FRMD4A: variants seen among roughly 807,000 people sequenced by gnomAD.
FRMD4A encodes the protein FERM domain-containing protein 4A.
A neutral mutation model predicts 129.1 loss-of-function variants in FRMD4A; 29 were observed. The ratio of observed to expected loss-of-function variants is 0.22; its 90% confidence interval spans 0.17 to 0.31. FRMD4A has a LOEUF of 0.31. Among genes scored for constraint, FRMD4A ranks in the 10% least tolerant of loss-of-function variants. FRMD4A has a pLI of 1.00. For missense variants in FRMD4A, 1,272 were observed against 1,375.8 expected, an observed-to-expected ratio of 0.92 and a Z score of 1.19; for synonymous variants, 634 against 571.6, an observed-to-expected ratio of 1.11 and a Z score of -1.56.
chr10:13,793,318 T>C (rs912528834), intron 5 of FRMD4A, among the ~76,000 whole-genome samples: 1 of 152,048 alleles, frequency 6.6e-6, no homozygotes, highest in African/African-American at 2.4e-5. Flanking sequence ...ATTACAGGCA[T>C]GCACCATCAT....
At chr10:14,054,799 T>C (rs1834431039) in intron 2 of FRMD4A, among the ~76,000 whole-genome samples, 1 of 152,188 alleles carries the variant, frequency 6.6e-6, no homozygotes, top group South Asian at 2.1e-4. Context: ...GGCAGGGTTT[T>C]CCCCTGCTGT....
chr10:14,092,196 C>T (rs35046770), intron 2 of FRMD4A, among the ~76,000 whole-genome samples: 68,871 of 151,614 alleles, frequency 0.45, 15,934 homozygotes, highest in East Asian at 0.69. Context: ...CATACTGAAC[C>T]GGCTACTAGG....
At position 14,263,377 on chromosome 10, in the gene FRMD4A, G is replaced by A. The variant is rs373232246; in HGVS notation, c.45+66681C>T. Among the ~76,000 whole-genome samples the A allele has an allele frequency of 2.0e-5, 3 of 152,310 alleles. No individual in the cohort carries two copies. In the South Asian group the frequency reaches 6.2e-4, roughly 32 times the overall value. On this transcript the variant is annotated intron_variant, in intron 2 of 24. Coordinates refer to ENST00000357447, the MANE Select transcript of FRMD4A (RefSeq NM_018027.5). ...AAATCACTTGCAAGGCTGCCGGCCA[G>A]ACATGCTGCTAAGAATCACCCCAAA...
intron 2 of FRMD4A, among the ~76,000 whole-genome samples, chr10:14,015,654 C>T (rs1454354365): frequency 1.3e-5 from 2 of 152,170 alleles, no homozygotes; most frequent in Non-Finnish European, 2.9e-5. Flanking sequence ...CTGTACCAAG[C>T]TCCATGATAC....
intron 2 of FRMD4A, chr10:14,008,118 G>A: frequency 7.7e-7 from 1 of 1,302,046 alleles, no homozygotes; most frequent in Non-Finnish European, 1.0e-6. Flanking sequence ...AAGTCTTTGG[G>A]ATCTATTCGG....
chr10:14,110,704 G>A (rs1449782904), intron 2 of FRMD4A, among the ~76,000 whole-genome samples: 1 of 152,178 alleles, frequency 6.6e-6, no homozygotes, highest in Non-Finnish European at 1.5e-5. Context: ...CCACTGCAGA[G>A]GCATTTTTCT....
intron 4 of FRMD4A, among the ~76,000 whole-genome samples, chr10:13,807,408 T>G (rs1207963586): frequency 6.6e-6 from 1 of 152,244 alleles, no homozygotes; most frequent in East Asian, 1.9e-4. Flanking sequence ...TCACGTCGTT[T>G]GCAAGATGTT....
Position 13,693,959 on chromosome 10 carries a change from C to G in FRMD4A, c.1056G>C (p.Leu352=). The change falls in exon 15 of 25, where the codon CTG becomes CTC. Residue 352 remains leucine (L), a synonymous_variant. Transcript: ENST00000357447. ...TETGTLKTSK[L]ANMGSKGKII... ...TCTTCCCCTTGCTACCCATGTTGGC[C>G]AGCTTCGAGGTCTTCAGCGTCCCCG... 2.5e-6 allele frequency: 4 copies of G among 1,594,272 alleles called. No homozygotes were observed. The highest frequency in any genetic ancestry group is 3.4e-6 in the Non-Finnish European group (4 of 1,172,502).
intron 8 of FRMD4A, among the ~76,000 whole-genome samples, chr10:13,756,566 C>T (rs999033073): frequency 2.6e-5 from 4 of 152,226 alleles, no homozygotes; most frequent in East Asian, 1.9e-4. Context: ...GGTTTTGTCA[C>T]GTTGCCCTGG....
chr10:14,103,249 T>A (rs1160888132), intron 2 of FRMD4A, among the ~76,000 whole-genome samples: 1 of 152,222 alleles, frequency 6.6e-6, no homozygotes, highest in East Asian at 1.9e-4. Context: ...AATATGCCCA[T>A]CTAATCTAAA....
chr10:13,741,241 G>C (rs1310392977), intron 9 of FRMD4A, among the ~76,000 whole-genome samples: 2 of 151,998 alleles, frequency 1.3e-5, no homozygotes, highest in Admixed American at 6.5e-5. Flanking sequence ...CTTGAGCCCA[G>C]GAGTTTGAGA....
chr10:13,817,623 C>T (rs150600403), intron 3 of FRMD4A, among the ~76,000 whole-genome samples: 8 of 152,346 alleles, frequency 5.3e-5, no homozygotes, highest in East Asian at 1.9e-4. Flanking sequence ...CAAGATCTGA[C>T]GGTTTTATAA....
intron 24 of FRMD4A, among the ~76,000 whole-genome samples, chr10:13,650,520 C>CCTAT (rs1038302834): frequency 2.0e-5 from 3 of 152,190 alleles, no homozygotes; most frequent in Non-Finnish European, 4.4e-5. Flanking sequence ...GGCTGTCAGC[C>CCTAT]CTATCTCCAT....
In FRMD4A at chr10:13,663,519, C is replaced by A; in HGVS notation, c.1604-10G>T. 1 of 1,468,896 alleles carries A rather than the reference C, an allele frequency of 6.8e-7. No homozygotes were observed. The allele number at this position is 1,468,896 out of a possible 1,614,324, so 91.0% of individuals were successfully genotyped here. A position where few individuals can be genotyped will look rare whatever the true frequency, so the allele number is the denominator to read the frequency against. On this transcript the variant is annotated splice_polypyrimidine_tract_variant and intron_variant, in intron 18 of 24. Coordinates refer to ENST00000357447, the MANE Select transcript of FRMD4A (RefSeq NM_018027.5). ...CTGGCAATGTTTCCATCTGAGAAGA[C>A]AAAAAGCAATAGCCTATGAGTTCAG...
intron 2 of FRMD4A, among the ~76,000 whole-genome samples, chr10:13,999,327 G>C (rs1017322645): frequency 6.6e-6 from 1 of 152,136 alleles, no homozygotes; most frequent in African/African-American, 2.4e-5. Flanking sequence ...CTAGAACACT[G>C]TCTGGCATGT....
intron 2 of FRMD4A, among the ~76,000 whole-genome samples, chr10:14,167,538 CAAAAAAAA>C (rs59290414): frequency 1.4e-4 from 8 of 57,576 alleles, no homozygotes; most frequent in Middle Eastern, 0.026. Context: ...CTCCGTCTCT[CAAAAAAAA>C]AAAAAAAAAA....
At chr10:13,725,056 CCTTT>C (rs2089788508) in intron 12 of FRMD4A, among the ~76,000 whole-genome samples, 1 of 152,176 alleles carries the variant, frequency 6.6e-6, no homozygotes, top group Admixed American at 6.5e-5. Flanking sequence ...TGCTTTTCAT[CCTTT>C]CTTTCATTCA....
In FRMD4A at chr10:14,269,852, C is replaced by T. The variant is rs140323835; in HGVS notation, c.45+60206G>A. 1.3e-3 allele frequency among the ~76,000 whole-genome samples: 194 copies of T among 152,266 alleles called. 1 individual carries two copies. The highest frequency in any genetic ancestry group is 4.4e-3 in the African/African-American group (182 of 41,552). Reference sequence around the variant, plus strand: ...ATTATTCTCAATGCTTCAGCAGGACCGAACCAGCCCCTCTCCTGCAGAAAG... The same window carrying T: ...ATTATTCTCAATGCTTCAGCAGGACTGAACCAGCCCCTCTCCTGCAGAAAG... On this transcript the variant is annotated intron_variant, in intron 2 of 24. Transcript: ENST00000357447.
At chr10:14,285,585 T>G (rs1249048820) in intron 2 of FRMD4A, among the ~76,000 whole-genome samples, 1 of 152,254 alleles carries the variant, frequency 6.6e-6, no homozygotes, top group African/African-American at 2.4e-5. Context: ...TTCTACCACA[T>G]GCTGTGAGAC....
Sources: gnomAD v4.1 joint callset for allele counts (sites outside exome capture counted in the v4.1 genomes callset) on GRCh38, gnomAD v4.1.1 for gene constraint, MANE v1.5 for transcripts, NCBI Gene and HGNC (gene_info 2026-07-23, HGNC 2026-07-21) for gene names.